MINDY4: variants seen among roughly 807,000 people sequenced by gnomAD.
MINDY4 encodes the protein MINDY lysine 48 deubiquitinase 4.
MINDY4 carries 68 observed loss-of-function variants against 87.0 expected under a neutral mutation model. The observed-to-expected ratio is 0.78, with a 90% confidence interval of 0.64 to 0.96. MINDY4 has a LOEUF of 0.96. Ranked by LOEUF, MINDY4 falls within the 40% of genes least tolerant of loss-of-function variation. The pLI, the probability that MINDY4 is intolerant of heterozygous loss-of-function variation, is 0.00. For synonymous variants in MINDY4, 379 were observed against 363.2 expected (o/e 1.04, Z -0.50); for missense variants, 919 against 928.2 (o/e 0.99, Z 0.13).
chr7:30,777,126 C>T (rs77085552), intron 1 of MINDY4, among the ~76,000 whole-genome samples: 1,831 of 151,982 alleles, frequency 0.012, 51 homozygotes, highest in African/African-American at 0.042. Context: ...CCTCCTGCCT[C>T]GGCCTCTCAA....
chr7:30,845,715 A>C (rs185913886), intron 9 of MINDY4, among the ~76,000 whole-genome samples: 5,396 of 151,936 alleles, frequency 0.036, 142 homozygotes, highest in East Asian at 0.11. Context: ...TGCCCACCAC[A>C]TCTGGTGGGG....
At chr7:30,890,987 T>C (rs1790778029) in intron 17 of MINDY4, among the ~76,000 whole-genome samples, 1 of 152,176 alleles carries the variant, frequency 6.6e-6, no homozygotes, top group Non-Finnish European at 1.5e-5. Flanking sequence ...TTCCCCTTTT[T>C]CTTCCTCCAT....
At position 30,791,306 on chromosome 7, in the gene MINDY4, A is replaced by G. The variant is rs762908365; in HGVS notation, c.805A>G (p.Arg269Gly). 17 of 1,614,072 alleles carry G rather than the reference A, an allele frequency of 1.1e-5. No individual in the cohort carries two copies. In the African/African-American group the frequency reaches 2.1e-4, roughly 20 times the overall value. Residue 269 changes from arginine to glycine, a missense_variant, in exon 5 of 18, where the codon AGG (arginine) becomes GGG (glycine). Transcript: ENST00000265299. ...GGCTTCGAGCAACAGCTCCCCCTCC[A>G]GGACCTCCCTGGGTCAGCTTAGTGA... is the stretch of plus-strand genomic sequence containing the variant. ...ILASSNSSPS[R>G]TSLGQLSELT...
At chr7:30,786,976 T>G (rs1001402700) in intron 4 of MINDY4, among the ~76,000 whole-genome samples, 2 of 152,236 alleles carry the variant, frequency 1.3e-5, no homozygotes, top group Non-Finnish European at 2.9e-5. Flanking sequence ...ACAGGGTGTC[T>G]GTGTCCACCT....
At chr7:30,810,194 A>G (rs931160416) in intron 5 of MINDY4, among the ~76,000 whole-genome samples, 34 of 151,246 alleles carry the variant, frequency 2.2e-4, no homozygotes, top group Non-Finnish European at 4.7e-4. Context: ...AAAAAAAAAA[A>G]AAAGAAATGT....
rs181726736 is a variant in MINDY4, at chr7:30,873,263, T to C, written c.1809+957T>C. Among the ~76,000 whole-genome samples, 349 of 152,312 alleles carry C rather than the reference T, an allele frequency of 2.3e-3. 3 individuals carry two copies. Among genetic ancestry groups the C allele is most frequent in the African/African-American group, 8.2e-3 (340 of 41,582 alleles). On this transcript the variant is annotated intron_variant, in intron 14 of 17. Coordinates refer to ENST00000265299, the MANE Select transcript of MINDY4 (RefSeq NM_032222.3). The stretch of plus-strand genomic sequence containing the variant: ...TGGCCTCACTCTCACTCCAGGCATC[T>C]GCCTGCCCCATGGGAGCTTTCCCTT...
chr7:30,837,725 G>A (rs1003382390), intron 7 of MINDY4, among the ~76,000 whole-genome samples: 2 of 152,160 alleles, frequency 1.3e-5, no homozygotes, highest in Admixed American at 6.5e-5. Context: ...CAGCAGTAGC[G>A]TCTCCAAAAG....
chr7:30,853,302 G>T (rs780448928), intron 11 of MINDY4, 92 bp from the exon 12 acceptor site: 3 of 1,058,310 alleles, frequency 2.8e-6, no homozygotes, highest in Non-Finnish European at 4.3e-6. Flanking sequence ...GTTGGATTTT[G>T]TAGCTACTAA....
intron 14 of MINDY4, among the ~76,000 whole-genome samples, chr7:30,874,617 G>A (rs1790206321): frequency 6.6e-6 from 1 of 152,220 alleles, no homozygotes; most frequent in South Asian, 2.1e-4. Context: ...CAGGTGTGTA[G>A]CTTGAGTCAC....
chr7:30,851,313 G>A (rs967228006), intron 10 of MINDY4, among the ~76,000 whole-genome samples: 4 of 152,318 alleles, frequency 2.6e-5, no homozygotes, highest in Non-Finnish European at 2.9e-5. Context: ...GCTGTGTGAC[G>A]TTGGGCAATG....
chr7:30,836,794 G>A (rs774522399), intron 7 of MINDY4, 30 bp downstream of exon 7: 5 of 1,557,198 alleles, frequency 3.2e-6, no homozygotes, highest in East Asian at 2.2e-5. Context: ...TGGGTTAAAT[G>A]TGTCTTGATT....
Position 30,881,182 on chromosome 7 carries a change from G to T in MINDY4, c.1972-999G>T, listed in dbSNP as rs1216157431. ...ACCAGGGCCCAGGGTCAGGAGAGGC[G>T]CTGGCCAAGAAGTGTCAGGGGCTGG... On this transcript the variant is annotated intron_variant, in intron 15 of 17. Coordinates refer to ENST00000265299, the MANE Select transcript of MINDY4 (RefSeq NM_032222.3). 2.6e-5 allele frequency among the ~76,000 whole-genome samples: 4 copies of T among 152,150 alleles called. No homozygotes were observed. In the East Asian group the frequency reaches 7.7e-4, roughly 29 times the overall value.
chr7:30,786,671 T>C (rs1787166424), intron 4 of MINDY4: 1 of 148,182 alleles, frequency 6.7e-6, no homozygotes, highest in Non-Finnish European at 1.5e-5. Context: ...TCTTTTAAAA[T>C]AAATCTAAAA....
rs370795861 is a variant in MINDY4, at chr7:30,839,330, A to G, written c.1356+14A>G. ...GTGCAGAACAAGGCAGGTTGCTCCT[A>G]GGTTTCCTTGGGACCTTTCTGCTGG... On this transcript the variant is annotated intron_variant, in intron 8 of 17. Coordinates refer to ENST00000265299, the MANE Select transcript of MINDY4 (RefSeq NM_032222.3). 6 of 1,540,636 alleles carry G rather than the reference A, an allele frequency of 3.9e-6. No individual in the cohort carries two copies. Among genetic ancestry groups the G allele is most frequent in the African/African-American group, 1.4e-5 (1 of 72,258 alleles).
At chr7:30,799,782 T>C (rs184810188) in intron 5 of MINDY4, among the ~76,000 whole-genome samples, 12 of 152,176 alleles carry the variant, frequency 7.9e-5, no homozygotes, top group African/African-American at 2.7e-4. Flanking sequence ...CTGAGTCAGA[T>C]TCCGGTACAT....
In MINDY4 at chr7:30,835,547, C is replaced by T. The variant is rs549118850; in HGVS notation, c.1133-1111C>T. ...TTATTCCCCAGCCCAGTGGTAGAAT[C>T]TATGTGCTTGTTCAGTGGCCTGAGT... On this transcript the variant is annotated intron_variant, in intron 6 of 17. Coordinates refer to ENST00000265299, the MANE Select transcript of MINDY4 (RefSeq NM_032222.3). 2.2e-4 allele frequency among the ~76,000 whole-genome samples: 33 copies of T among 152,350 alleles called. No homozygotes were observed. In the East Asian group the frequency reaches 6.2e-3, roughly 28 times the overall value.
intron 17 of MINDY4, among the ~76,000 whole-genome samples, chr7:30,890,487 C>T (rs1380143873): frequency 6.6e-6 from 1 of 152,164 alleles, no homozygotes; most frequent in Non-Finnish European, 1.5e-5. Context: ...ACAAAATTGC[C>T]ATTAAGATTT....
intron 6 of MINDY4, among the ~76,000 whole-genome samples, chr7:30,830,310 T>C (rs567339695): frequency 6.6e-6 from 1 of 152,288 alleles, no homozygotes; most frequent in Admixed American, 6.5e-5. Flanking sequence ...TATCTTCCCA[T>C]AGCAACACAT....
intron 13 of MINDY4, 145 bp from the exon 14 acceptor site, chr7:30,872,098 G>A: frequency 1.4e-6 from 1 of 718,736 alleles, no homozygotes; most frequent in Non-Finnish European, 2.4e-6. Flanking sequence ...CTCCGTGGAG[G>A]GCACAGAACA....
Sources: allele counts gnomAD v4.1 joint callset (sites outside exome capture counted in the v4.1 genomes callset), GRCh38; gene constraint gnomAD v4.1.1; transcripts MANE v1.5; gene names NCBI Gene and HGNC (gene_info 2026-07-23, HGNC 2026-07-21).